RARB: variants seen among roughly 807,000 people sequenced by gnomAD.
RARB encodes retinoic acid receptor beta, also known as HBV-activated protein.
RARB carries 17 observed loss-of-function variants against 51.9 expected under a neutral mutation model. That is an observed-to-expected ratio of 0.33 (90% CI 0.22 to 0.49). RARB has a LOEUF of 0.49. Among genes scored for constraint, RARB ranks in the 20% least tolerant of loss-of-function variants. RARB has a pLI of 0.99. For missense variants in RARB, 369 were observed against 550.8 expected (o/e 0.67, Z 3.30); for synonymous variants, 215 against 195.4 (o/e 1.10, Z -0.84).
intron 5 of RARB, among the ~76,000 whole-genome samples, chr3:25,253,859 A>G (rs1367874063): frequency 2.6e-5 from 4 of 152,110 alleles, no homozygotes; most frequent in Admixed American, 2.0e-4. Flanking sequence ...CTGGAACCGC[A>G]CCTTTAGCTT....
intron 1 of RARB, among the ~76,000 whole-genome samples, chr3:24,835,902 G>A (rs751032345): frequency 2.6e-5 from 4 of 152,152 alleles, no homozygotes; most frequent in Non-Finnish European, 4.4e-5. Flanking sequence ...TCACAAGAAA[G>A]CATGATAGAG....
intron 3 of RARB, among the ~76,000 whole-genome samples, chr3:25,530,229 G>A (rs1305372763): frequency 6.6e-6 from 1 of 152,186 alleles, no homozygotes; most frequent in Admixed American, 6.5e-5. Flanking sequence ...AATCCCCTTT[G>A]ATTCCGTAGG....
At chr3:25,166,489 T>C (rs892941085) in intron 4 of RARB, among the ~76,000 whole-genome samples, 2 of 152,148 alleles carry the variant, frequency 1.3e-5, no homozygotes, top group Non-Finnish European at 2.9e-5. Context: ...GCAATATATA[T>C]GTAGTGTCTG....
chr3:24,972,959 G>A (rs1476986412), intron 2 of RARB, among the ~76,000 whole-genome samples: 18 of 152,024 alleles, frequency 1.2e-4, no homozygotes, highest in Non-Finnish European at 8.8e-5. Flanking sequence ...CCTTCGCTAT[G>A]CAGAACGTTT....
At chr3:24,866,556 C>A (rs1330928226) in intron 2 of RARB, among the ~76,000 whole-genome samples, 3 of 151,996 alleles carry the variant, frequency 2.0e-5, no homozygotes, top group Non-Finnish European at 4.4e-5. Context: ...GAAAACTGAC[C>A]AAACCAGAAT....
At chr3:25,084,741 G>GT (rs1389891017) in intron 3 of RARB, among the ~76,000 whole-genome samples, 8 of 149,358 alleles carry the variant, frequency 5.4e-5, no homozygotes, top group Admixed American at 2.0e-4. Flanking sequence ...TCTGTTTGGG[G>GT]TTTTTTTTAA....
At position 25,044,485 on chromosome 3, in the gene RARB, A is replaced by G. The variant is rs114442316; in HGVS notation, c.-379-15640A>G. Among the ~76,000 whole-genome samples, 607 of 152,012 alleles carry G rather than the reference A, an allele frequency of 4.0e-3. 2 individuals are homozygous for G. Among genetic ancestry groups the G allele is most frequent in the African/African-American group, 0.014 (581 of 41,456 alleles). On this transcript the variant is annotated intron_variant, in intron 2 of 11. Transcript: ENST00000383772. ...TCTATTTTTATATATATTTAGGGCT[A>G]AAAAAAACAAATCCTCGAGTTCTCA...
intron 5 of RARB, among the ~76,000 whole-genome samples, chr3:25,242,120 A>G (rs1367934603): frequency 1.3e-5 from 2 of 152,194 alleles, no homozygotes; most frequent in African/African-American, 4.8e-5. Context: ...TTTCAAAAGC[A>G]TCTGTTCATA....
At chr3:25,181,236 G>T (rs1437640679) in intron 5 of RARB, among the ~76,000 whole-genome samples, 1 of 152,130 alleles carries the variant, frequency 6.6e-6, no homozygotes, top group Non-Finnish European at 1.5e-5. Flanking sequence ...GGCCCTTCAG[G>T]ACCTAGATTT....
At chr3:25,220,349 G>A (rs1290872180) in intron 5 of RARB, among the ~76,000 whole-genome samples, 1 of 152,298 alleles carries the variant, frequency 6.6e-6, no homozygotes, top group East Asian at 1.9e-4. Context: ...GTTATCACAT[G>A]TCATTTGATT....
chr3:25,373,914 G>A (rs1329161403), intron 5 of RARB, among the ~76,000 whole-genome samples: 2 of 152,206 alleles, frequency 1.3e-5, no homozygotes, highest in Non-Finnish European at 2.9e-5. Flanking sequence ...CACGTGAGAA[G>A]CCAGAGCAGT....
chr3:25,186,884 CCTGTGTGTGTGT>C (rs1437965958), intron 5 of RARB, among the ~76,000 whole-genome samples: 39 of 58,886 alleles, frequency 6.6e-4, no homozygotes, highest in African/African-American at 2.2e-3. Context: ...AAAAGGTAAG[CCTGTGTGTGTGT>C]GTGTGTGTGT....
At chr3:25,486,801 A>G (rs1388640556) in intron 2 of RARB, among the ~76,000 whole-genome samples, 3 of 152,168 alleles carry the variant, frequency 2.0e-5, no homozygotes, top group Admixed American at 2.0e-4. Context: ...CAATGGGAGA[A>G]GGGCTAATTT....
chr3:24,975,715 G>A (rs887304871), intron 2 of RARB, among the ~76,000 whole-genome samples: 1 of 151,916 alleles, frequency 6.6e-6, no homozygotes, highest in East Asian at 1.9e-4. Context: ...ATAATCGCTT[G>A]TATTTTTGTC....
chr3:24,949,044 A>T (rs1422945466), intron 2 of RARB, among the ~76,000 whole-genome samples: 1 of 152,220 alleles, frequency 6.6e-6, no homozygotes, highest in Admixed American at 6.5e-5. Context: ...GGGCAAGGTC[A>T]AAGGACATAT....
intron 3 of RARB, among the ~76,000 whole-genome samples, chr3:25,081,599 A>ATG (rs1698997069): frequency 6.1e-5 from 1 of 16,300 alleles, no homozygotes; most frequent in East Asian, 1.9e-3. Context: ...ATATATATAT[A>ATG]TATATATATA....
chr3:24,866,541 A>G (rs940597126), intron 2 of RARB, among the ~76,000 whole-genome samples: 9 of 151,988 alleles, frequency 5.9e-5, no homozygotes, highest in African/African-American at 1.9e-4. Flanking sequence ...TCGTGGGGGG[A>G]ATGGGAAAAC....
intron 5 of RARB, among the ~76,000 whole-genome samples, chr3:25,271,215 T>C (rs1354465147): frequency 6.6e-6 from 1 of 152,184 alleles, no homozygotes; most frequent in African/African-American, 2.4e-5. Flanking sequence ...AATCAAGAAA[T>C]ACTGTCAGGT....
chr3:24,933,491 T>C lies in RARB; in HGVS notation c.-380+74739T>C, dbSNP rs76267441. On this transcript the variant is annotated intron_variant, in intron 2 of 11. Coordinates refer to the RARB transcript ENST00000383772. ...AACTTGTTGGCTTTGTCAGGTTCTT[T>C]AGTGACTCTCGCCCTTCAGAGTTTT... Among the ~76,000 whole-genome samples the C allele has an allele frequency of 6.6e-3, 1,001 of 152,218 alleles. 12 individuals carry two copies. The highest frequency in any genetic ancestry group is 0.041 in the East Asian group (213 of 5,170).
Sources: gnomAD v4.1 joint callset for allele counts (sites outside exome capture counted in the v4.1 genomes callset) on GRCh38, gnomAD v4.1.1 for gene constraint, MANE v1.5 for transcripts, NCBI Gene and HGNC (gene_info 2026-07-23, HGNC 2026-07-21) for gene names.